LCLAT1: variants seen among roughly 807,000 people sequenced by gnomAD.
LCLAT1 encodes 1-AGP acyltransferase 8.
Under a neutral mutation model 30.7 loss-of-function variants are expected in LCLAT1, and 11 were observed. That is an observed-to-expected ratio of 0.36 (90% CI 0.23 to 0.59). The LOEUF is 0.59. Ranked by LOEUF, LCLAT1 falls within the 20% of genes least tolerant of loss-of-function variation. The pLI is 0.77. For synonymous variants in LCLAT1, 155 were observed against 151.3 expected, an observed-to-expected ratio of 1.02 and a Z score of -0.18; for missense variants, 402 against 458.6, an observed-to-expected ratio of 0.88 and a Z score of 1.13.
At chr2:30,628,609 T>C (rs1668622103) in intron 5 of LCLAT1, among the ~76,000 whole-genome samples, 1 of 152,148 alleles carries the variant, frequency 6.6e-6, no homozygotes, top group African/African-American at 2.4e-5. Context: ...GGAAACTAGA[T>C]ATCTATATAT....
intron 5 of LCLAT1, among the ~76,000 whole-genome samples, chr2:30,618,730 G>C (rs888148628): frequency 6.6e-6 from 1 of 152,222 alleles, no homozygotes; most frequent in Non-Finnish European, 1.5e-5. Context: ...TAAAATTTCA[G>C]TGTTCAGTTA....
chr2:30,471,517 T>A (rs1359538016), intron 1 of LCLAT1, among the ~76,000 whole-genome samples: 1 of 152,240 alleles, frequency 6.6e-6, no homozygotes, highest in African/African-American at 2.4e-5. Flanking sequence ...GCCAGTATTG[T>A]CTTTTAATCC....
intron 3 of LCLAT1, among the ~76,000 whole-genome samples, chr2:30,537,074 G>C (rs1686281887): frequency 6.6e-6 from 1 of 152,192 alleles, no homozygotes; most frequent in Non-Finnish European, 1.5e-5. Flanking sequence ...TAGGTATAGT[G>C]TATCAGATAA....
intron 4 of LCLAT1, among the ~76,000 whole-genome samples, chr2:30,564,048 G>T (rs1177970822): frequency 6.6e-6 from 1 of 152,064 alleles, no homozygotes; most frequent in Non-Finnish European, 1.5e-5. Flanking sequence ...ATAATACTGA[G>T]GATAATAATG....
intron 5 of LCLAT1, among the ~76,000 whole-genome samples, chr2:30,601,434 C>T (rs1298203824): frequency 6.6e-6 from 1 of 152,084 alleles, no homozygotes; most frequent in Non-Finnish European, 1.5e-5. Context: ...AAGTAAGTTG[C>T]TTTGTAAGTG....
chr2:30,461,118 T>A (rs1315805709), intron 1 of LCLAT1, among the ~76,000 whole-genome samples: 1 of 152,218 alleles, frequency 6.6e-6, no homozygotes, highest in Non-Finnish European at 1.5e-5. Flanking sequence ...TCTCTGAATT[T>A]GTAGCCAAGT....
chr2:30,491,293 A>G (rs1683822875), intron 1 of LCLAT1, among the ~76,000 whole-genome samples: 1 of 152,254 alleles, frequency 6.6e-6, no homozygotes, highest in African/African-American at 2.4e-5. Flanking sequence ...TGTGTAATTC[A>G]GTAGTATATT....
At chr2:30,551,706 A>C (rs985096709) in intron 3 of LCLAT1, among the ~76,000 whole-genome samples, 2 of 152,166 alleles carry the variant, frequency 1.3e-5, no homozygotes, top group African/African-American at 4.8e-5. Context: ...TCTAGCTTCT[A>C]ATGGATGCCT....
At chr2:30,530,545 G>C in intron 2 of LCLAT1, among the ~76,000 whole-genome samples, 1 of 152,174 alleles carries the variant, frequency 6.6e-6, no homozygotes, top group African/African-American at 2.4e-5. Flanking sequence ...ACATGGTCTT[G>C]ATTGTTGTTG....
chr2:30,518,261 AG>A (rs1380884456), intron 1 of LCLAT1, among the ~76,000 whole-genome samples: 2 of 152,240 alleles, frequency 1.3e-5, no homozygotes, highest in Non-Finnish European at 2.9e-5. Flanking sequence ...TACTATACAA[AG>A]TTCTAACCAG....
intron 5 of LCLAT1, chr2:30,606,364 A>G (rs1667450769): frequency 4.9e-6 from 1 of 202,224 alleles, no homozygotes; most frequent in South Asian, 6.5e-5. Context: ...TAACCAAAAT[A>G]GCATGGTACT....
At position 30,474,997 on chromosome 2, in the gene LCLAT1, C is replaced by T. The variant is rs371927511; in HGVS notation, c.-5+27614C>T. 1.1e-3 allele frequency among the ~76,000 whole-genome samples: 174 copies of T among 151,792 alleles called. 1 individual carries two copies. Among genetic ancestry groups the T allele is most frequent in the African/African-American group, 4.1e-3 (171 of 41,382 alleles). On this transcript the variant is annotated intron_variant, in intron 1 of 5. Coordinates refer to ENST00000379509, the MANE Select transcript of LCLAT1 (RefSeq NM_001002257.3). ...CAGATCCAGGTTCAGATTTACCTTG[C>T]TAGTCTTATTCTGTGTGTGTGAGAC...
intron 4 of LCLAT1, among the ~76,000 whole-genome samples, chr2:30,564,281 G>A (rs933849853): frequency 7.2e-5 from 11 of 152,002 alleles, no homozygotes; most frequent in South Asian, 2.1e-4. Flanking sequence ...TTGTGAATGC[G>A]AAAATGTACA....
chr2:30,487,217 A>G (rs559022588), intron 1 of LCLAT1, among the ~76,000 whole-genome samples: 1 of 152,352 alleles, frequency 6.6e-6, no homozygotes, highest in Non-Finnish European at 1.5e-5. Flanking sequence ...TAAGGCACTC[A>G]GTAAAGACTT....
chr2:30,462,821 G>A (rs1682229396), intron 1 of LCLAT1, among the ~76,000 whole-genome samples: 1 of 152,100 alleles, frequency 6.6e-6, no homozygotes, highest in African/African-American at 2.4e-5. Flanking sequence ...AAAATTTTTT[G>A]GTAGTAGAAC....
chr2:30,628,722 C>G (rs1482948541), intron 5 of LCLAT1, among the ~76,000 whole-genome samples: 1 of 151,924 alleles, frequency 6.6e-6, no homozygotes, highest in Non-Finnish European at 1.5e-5. Flanking sequence ...CAAGGAGAAA[C>G]GAGGAGTTGT....
At chr2:30,478,744 C>A (rs1683172522) in intron 1 of LCLAT1, among the ~76,000 whole-genome samples, 1 of 151,972 alleles carries the variant, frequency 6.6e-6, no homozygotes, top group African/African-American at 2.4e-5. Context: ...CAAACATAGA[C>A]ACACATAAAC....
intron 1 of LCLAT1, chr2:30,459,710 C>CT (rs1682012905): frequency 6.2e-7 from 1 of 1,612,750 alleles, no homozygotes; most frequent in East Asian, 2.2e-5. Context: ...AAGCAGGACT[C>CT]TAAAAGCTTT....
chr2:30,604,611 G>A (rs1667340621), intron 5 of LCLAT1, among the ~76,000 whole-genome samples: 1 of 140,790 alleles, frequency 7.1e-6, no homozygotes, highest in African/African-American at 2.7e-5. Context: ...CCAGTGAGCC[G>A]AGATCGTGCC....
Sources: gnomAD v4.1 joint callset for allele counts (sites outside exome capture counted in the v4.1 genomes callset) on GRCh38, gnomAD v4.1.1 for gene constraint, MANE v1.5 for transcripts, NCBI Gene and HGNC (gene_info 2026-07-23, HGNC 2026-07-21) for gene names.